The following FLT3 variants were observed in gnomAD, a reference collection of about 807,000 sequenced individuals.
FLT3 encodes receptor-type tyrosine-protein kinase FLT3.
FLT3 carries 46 observed loss-of-function variants against 126.6 expected under a neutral mutation model. That is an observed-to-expected ratio of 0.36 (90% CI 0.29 to 0.46). FLT3 has a LOEUF of 0.46. FLT3 is among the 20% of genes least tolerant of loss of function. FLT3 has a pLI of 1.00. For synonymous variants in FLT3, 404 were observed against 434.4 expected, an observed-to-expected ratio of 0.93 and a Z score of 0.87; for missense variants, 1,069 against 1,190.3, an observed-to-expected ratio of 0.90 and a Z score of 1.50.
chr13:28,088,406 G>A (rs976458577), intron 1 of FLT3, among the ~76,000 whole-genome samples: 1 of 151,602 alleles, frequency 6.6e-6, no homozygotes, highest in African/African-American at 2.4e-5. Context: ...TCACACCTCA[G>A]CCTCCCAAGT....
At chr13:28,006,294 C>T (rs1870885110) in intron 23 of FLT3, among the ~76,000 whole-genome samples, 1 of 145,474 alleles carries the variant, frequency 6.9e-6, no homozygotes. Context: ...CTTCACTTTT[C>T]TTTCTAGAAA....
At chr13:28,049,317 A>C in intron 8 of FLT3, 67 bp downstream of exon 8, 2 of 1,377,422 alleles carry the variant, frequency 1.5e-6, no homozygotes, top group Non-Finnish European at 2.0e-6. Flanking sequence ...TTTGTACCAC[A>C]TACTTCACAT....
intron 1 of FLT3, among the ~76,000 whole-genome samples, chr13:28,091,203 T>TTTTC (rs1879013046): frequency 8.4e-6 from 1 of 118,414 alleles, no homozygotes; most frequent in African/African-American, 3.2e-5. Flanking sequence ...TTGGGCCCCA[T>TTTTC]TTTCTTTTTT....
At chr13:28,051,031 T>C (rs1875405799) in intron 5 of FLT3, among the ~76,000 whole-genome samples, 1 of 152,226 alleles carries the variant, frequency 6.6e-6, no homozygotes, top group South Asian at 2.1e-4. Context: ...ATCCTATAAG[T>C]ATCTGTTGTC....
At chr13:28,025,813 G>A (rs1307227062) in intron 17 of FLT3, among the ~76,000 whole-genome samples, 3 of 152,124 alleles carry the variant, frequency 2.0e-5, no homozygotes, top group African/African-American at 7.2e-5. Context: ...GCATGCATAG[G>A]TTAAGGGCAG....
In FLT3 at chr13:28,035,677, A is replaced by G. The variant is rs752904586; in HGVS notation, c.1419-4T>C. 8.2e-6 allele frequency: 12 copies of G among 1,463,004 alleles called. No individual in the cohort carries two copies. Among genetic ancestry groups the G allele is most frequent in the Admixed American group, 6.3e-5 (3 of 47,852 alleles). 90.6% of individuals were successfully genotyped at this position (1,463,004 alleles called of 1,614,324 possible). A position where few individuals can be genotyped will look rare whatever the true frequency, so the allele number is the denominator to read the frequency against. On this transcript the variant is annotated splice_polypyrimidine_tract_variant and splice_region_variant and intron_variant, in intron 11 of 23. Coordinates refer to ENST00000241453, the MANE Select transcript of FLT3 (RefSeq NM_004119.3). ...TTCTGTGATCTCTTCTGTGCAGCTG[A>G]AAAAAAAAATAGCAAAGAATTTAGA...
chr13:28,011,877 A>C (rs1013756411), intron 23 of FLT3, among the ~76,000 whole-genome samples: 1 of 151,460 alleles, frequency 6.6e-6, no homozygotes, highest in Non-Finnish European at 1.5e-5. Flanking sequence ...GGCTCACTGC[A>C]ACATCCACCT....
At chr13:28,091,277 A>T (rs567354593) in intron 1 of FLT3, among the ~76,000 whole-genome samples, 5 of 112,878 alleles carry the variant, frequency 4.4e-5, no homozygotes, top group African/African-American at 1.8e-4. Flanking sequence ...GCTGGAGTGC[A>T]GTGGCGCGAT....
At chr13:28,029,767 T>C (rs34871309) in intron 15 of FLT3, among the ~76,000 whole-genome samples, 8,087 of 152,292 alleles carry the variant, frequency 0.053, 277 homozygotes, top group East Asian at 0.089. Flanking sequence ...GACCCATTAA[T>C]TGACATTGAG....
intron 19 of FLT3, among the ~76,000 whole-genome samples, chr13:28,018,877 C>T (rs1243502303): frequency 6.6e-6 from 1 of 152,154 alleles, no homozygotes; most frequent in Non-Finnish European, 1.5e-5. Flanking sequence ...GAGAGGCTCC[C>T]CAACAGGGGC....
At chr13:28,057,811 A>G (rs1876143363) in intron 3 of FLT3, among the ~76,000 whole-genome samples, 1 of 152,016 alleles carries the variant, frequency 6.6e-6, no homozygotes, top group African/African-American at 2.4e-5. Context: ...AAGCCGAGGC[A>G]GGCAGATCAC....
In FLT3 at chr13:28,087,218, C is replaced by T. The variant is rs556213783; in HGVS notation, c.43+13250G>A. ...TGAAGTAGCTTTGACTACAAGGACA[C>T]ACCATCATGCCTGGCCAATTCTTTT... On this transcript the variant is annotated intron_variant, in intron 1 of 23. Transcript: ENST00000241453. 3.7e-4 allele frequency among the ~76,000 whole-genome samples: 56 copies of T among 152,148 alleles called. 1 individual carries two copies. In the South Asian group the frequency reaches 4.4e-3, roughly 12 times the overall value.
chr13:28,062,743 CA>C (rs59718306), intron 2 of FLT3, among the ~76,000 whole-genome samples: 1 of 89,982 alleles, frequency 1.1e-5, no homozygotes, highest in African/African-American at 4.8e-5. Flanking sequence ...AACTCTGTCT[CA>C]AAAAAAAAAA....
intron 5 of FLT3, among the ~76,000 whole-genome samples, 192 bp from the exon 6 acceptor site, chr13:28,050,414 C>T (rs1342856632): frequency 6.6e-6 from 1 of 151,970 alleles, no homozygotes; most frequent in Non-Finnish European, 1.5e-5. Context: ...CTCATTATCG[C>T]AATGAATTAG....
At chr13:28,052,696 A>G (rs190978830) in intron 4 of FLT3, 22 bp from the exon 5 acceptor site, 2 of 1,501,948 alleles carry the variant, frequency 1.3e-6, no homozygotes, top group South Asian at 2.4e-5. Flanking sequence ...TAAGTTATTA[A>G]CATTTTACTA....
rs754692199 is a variant in FLT3 at position 28,034,312 on chromosome 13, T to C, written c.1693A>G (p.Lys565Glu). 24 of 1,613,322 alleles carry C rather than the reference T, an allele frequency of 1.5e-5. No homozygotes were observed. The highest frequency in any genetic ancestry group is 3.3e-5 in the Admixed American group (2 of 59,996). ...IVVLTLLICH[K>E]YKKQFRYESQ... ...ACCTTTGCTTTTACCTTTTTGTACT[T>C]GTGACAAATTAGCAGGGTTAAAACG... is the stretch of plus-strand genomic sequence containing the variant. Residue 565 changes from lysine (K) to glutamate (E), a missense_variant, in exon 13 of 24, where the codon AAG becomes GAG. Transcript: ENST00000241453.
intron 21 of FLT3, 49 bp from the exon 22 acceptor site, chr13:28,015,305 G>T: frequency 8.2e-7 from 1 of 1,214,124 alleles, no homozygotes; most frequent in Non-Finnish European, 1.2e-6. Context: ...TTCTTCATTT[G>T]TTTATTGATT....
intron 1 of FLT3, among the ~76,000 whole-genome samples, chr13:28,094,860 C>T (rs977192134): frequency 1.3e-5 from 2 of 152,116 alleles, no homozygotes; most frequent in Non-Finnish European, 2.9e-5. Context: ...AACAGAATTG[C>T]GTGAGTCAAA....
intron 19 of FLT3, among the ~76,000 whole-genome samples, chr13:28,020,244 C>T (rs1443082705): frequency 6.6e-6 from 1 of 152,192 alleles, no homozygotes; most frequent in Non-Finnish European, 1.5e-5. Context: ...ATCTCCCCTT[C>T]CCCCAACCAG....
Sources: gnomAD v4.1 joint callset for allele counts (sites outside exome capture counted in the v4.1 genomes callset) on GRCh38, gnomAD v4.1.1 for gene constraint, MANE v1.5 for transcripts, NCBI Gene and HGNC (gene_info 2026-07-23, HGNC 2026-07-21) for gene names.